The following NXN variants were observed in gnomAD, a reference collection of about 807,000 sequenced individuals.
The protein encoded by NXN is nucleoredoxin 1.
Under a neutral mutation model 48.6 loss-of-function variants are expected in NXN, and 16 were observed. The observed-to-expected ratio is 0.33, with a 90% CI of 0.22 to 0.50. NXN has a LOEUF of 0.50. Ranked by LOEUF, NXN falls within the 20% of genes least tolerant of loss-of-function variation. NXN has a pLI of 0.98. For missense variants in NXN, 492 were observed against 605.5 expected, an observed-to-expected ratio of 0.81 and a Z score of 1.97; for synonymous variants, 281 against 269.6, an observed-to-expected ratio of 1.04 and a Z score of -0.41.
intron 1 of NXN, among the ~76,000 whole-genome samples, chr17:858,380 T>C (rs1324591594): frequency 6.6e-6 from 1 of 152,052 alleles, no homozygotes; most frequent in African/African-American, 2.4e-5. Flanking sequence ...GTAATATAGC[T>C]GGTATTGACA....
rs1265122356 is a variant in NXN at position 917,837 on chromosome 17, GGA to G, written c.360+61480_360+61481del. On this transcript the variant is annotated intron_variant, in intron 1 of 7. Transcript: ENST00000336868. This position sits in a 1 kb window ranked among gnomAD's most constrained non-coding sequence, Gnocchi z 4.5. ...CGGATGGGAAAGGGGATAAGCGACA[GGA>G]GAGGGGGGACTCCCGTTCCAAACAA... is the stretch of plus-strand genomic sequence containing the variant. Among the ~76,000 whole-genome samples the G allele has an allele frequency of 1.3e-5, 2 of 152,190 alleles. No individual in the cohort carries two copies. Among genetic ancestry groups the G allele is most frequent in the Admixed American group, 1.3e-4 (2 of 15,280 alleles).
intron 1 of NXN, among the ~76,000 whole-genome samples, chr17:957,795 A>T (rs2069188474): frequency 6.6e-6 from 1 of 152,040 alleles, no homozygotes; most frequent in Non-Finnish European, 1.5e-5. Flanking sequence ...TCTGGAACCC[A>T]GACTCTCTTT....
chr17:808,864 A>AC (rs1238879833), intron 5 of NXN, among the ~76,000 whole-genome samples: 1 of 149,304 alleles, frequency 6.7e-6, no homozygotes, highest in African/African-American at 2.5e-5. Flanking sequence ...TTTAGTAGAG[A>AC]CGGGGTTTCA....
intron 1 of NXN, among the ~76,000 whole-genome samples, chr17:881,891 G>A (rs999558529): frequency 6.6e-5 from 10 of 152,104 alleles, no homozygotes; most frequent in African/African-American, 2.2e-4. Flanking sequence ...TTTCCATGAC[G>A]GTCTACAGGC....
chr17:964,795 C>G (rs2069282406), intron 1 of NXN, among the ~76,000 whole-genome samples: 1 of 152,228 alleles, frequency 6.6e-6, no homozygotes, highest in South Asian at 2.1e-4. Context: ...AGAAAAACAT[C>G]TATCAGCACA....
In NXN at chr17:825,954, G is replaced by GTTTT. The variant is rs764466471; in HGVS notation, c.478+3_478+6dup. 1.1e-5 allele frequency: 17 copies of GTTTT among 1,591,510 alleles called. No individual in the cohort carries two copies. In the African/African-American group the frequency reaches 2.0e-4, roughly 19 times the overall value. Reference sequence around the variant, plus strand: ...AAGAGGACCATATGCACGGGCTGAGGTTTTACCTTCTGGGTCATCTCGGAT... The same window carrying GTTTT: ...AAGAGGACCATATGCACGGGCTGAGGTTTTTTTTACCTTCTGGGTCATCTCGGAT... On this transcript the variant is annotated splice_region_variant and intron_variant, in intron 2 of 7. Transcript: ENST00000336868. This position sits in a 1 kb window ranked among gnomAD's most constrained non-coding sequence, Gnocchi z 4.1.
intron 1 of NXN, among the ~76,000 whole-genome samples, chr17:896,192 T>A (rs573772151): frequency 6.6e-6 from 1 of 151,380 alleles, no homozygotes; most frequent in Admixed American, 6.6e-5. Flanking sequence ...TACAAAAAAT[T>A]AGCCGGGCGT....
chr17:805,119 C>T lies in NXN; in HGVS notation c.949G>A (p.Asp317Asn), dbSNP rs372591037. Residue 317 changes from aspartate (D) to asparagine (N), a missense_variant, in exon 6 of 8, where the codon GAC (aspartate) becomes AAC (asparagine). By Grantham distance (23) the Asp-to-Asn change is conservative. Transcript: ENST00000336868. ...WHPKPVLELS[D>N]SNAAQLNEGP... is the part of the protein sequence containing the mutation. The stretch of plus-strand genomic sequence containing the variant: ...TCGTTAAGCTGCGCGGCGTTGGAGT[C>T]GGAGAGCTCCAGCACGGGCTTGGGG... 9.9e-6 allele frequency: 16 copies of T among 1,609,980 alleles called. No individual in the cohort carries two copies. The highest frequency in any genetic ancestry group is 6.7e-5 in the African/African-American group (5 of 74,878).
At chr17:863,193 CAG>C (rs1349935774) in intron 1 of NXN, among the ~76,000 whole-genome samples, 4 of 152,072 alleles carry the variant, frequency 2.6e-5, no homozygotes, top group Admixed American at 1.3e-4. Context: ...TTTTTTGAGA[CAG>C]AGTCTCACTC....
intron 5 of NXN, among the ~76,000 whole-genome samples, chr17:811,127 C>T (rs1911970585): frequency 6.6e-6 from 1 of 152,084 alleles, no homozygotes; most frequent in Admixed American, 6.6e-5. Context: ...GAAGGCAGAG[C>T]GGGAGGAGGT....
At chr17:944,664 C>T (rs2069022710) in intron 1 of NXN, among the ~76,000 whole-genome samples, 1 of 152,082 alleles carries the variant, frequency 6.6e-6, no homozygotes, top group Admixed American at 6.6e-5. Context: ...AGGAGGAGGG[C>T]GGAGAAAACC....
At chr17:811,328 G>C (rs1315784587) in intron 5 of NXN, among the ~76,000 whole-genome samples, 1 of 152,264 alleles carries the variant, frequency 6.6e-6, no homozygotes, top group African/African-American at 2.4e-5. Context: ...TGGCCTAAGA[G>C]AGAAGGGGCT....
intron 1 of NXN, among the ~76,000 whole-genome samples, chr17:960,160 G>A (rs537478210): frequency 1.2e-4 from 19 of 152,232 alleles, no homozygotes; most frequent in South Asian, 4.2e-4. Context: ...CACCACCCAC[G>A]GAGGCCACCA....
chr17:936,127 T>C (rs960202583), intron 1 of NXN, among the ~76,000 whole-genome samples: 1 of 149,454 alleles, frequency 6.7e-6, no homozygotes, highest in Non-Finnish European at 1.5e-5. Flanking sequence ...AGCTCCTGCT[T>C]GTGCTTCCAT....
chr17:924,264 T>C (rs925287115), intron 1 of NXN, among the ~76,000 whole-genome samples: 1 of 152,228 alleles, frequency 6.6e-6, no homozygotes, highest in Admixed American at 6.5e-5. Context: ...GAGATGGAGT[T>C]TCGCTCTTAT....
At chr17:812,163 G>A (rs1433998122) in intron 5 of NXN, among the ~76,000 whole-genome samples, 7 of 151,192 alleles carry the variant, frequency 4.6e-5, no homozygotes, top group African/African-American at 1.5e-4. Context: ...TCCTGACCTC[G>A]TGATCCGCCC....
chr17:815,495 G>A (rs1295782484), intron 5 of NXN, among the ~76,000 whole-genome samples: 12 of 141,700 alleles, frequency 8.5e-5, no homozygotes, highest in East Asian at 2.3e-4. Flanking sequence ...ACTTCCATCC[G>A]TATGATGAGG....
At chr17:899,434 G>T (rs187403573) in intron 1 of NXN, among the ~76,000 whole-genome samples, 13 of 152,250 alleles carry the variant, frequency 8.5e-5, no homozygotes, top group East Asian at 5.8e-4. Context: ...TCATATTCTC[G>T]TGAGGGAGGA....
chr17:820,533 AC>A (rs1257984509), intron 4 of NXN, among the ~76,000 whole-genome samples: 1 of 143,738 alleles, frequency 7.0e-6, no homozygotes, highest in East Asian at 2.1e-4. Flanking sequence ...AATGACGTGA[AC>A]CCAGGAGGCG....
Sources: gnomAD v4.1 joint callset for allele counts (sites outside exome capture counted in the v4.1 genomes callset) on GRCh38, gnomAD v4.1.1 for gene constraint, Gnocchi (gnomAD v3.1) non-coding constraint, MANE v1.5 for transcripts, NCBI Gene and HGNC (gene_info 2026-07-23, HGNC 2026-07-21) for gene names.